Variants in CCSER1 observed in about 807,000 individuals in gnomAD.
CCSER1 encodes the protein coiled-coil serine rich protein 1, also known as serine-rich coiled-coil domain-containing protein 1.
Under a neutral mutation model 82.0 loss-of-function variants are expected in CCSER1, and 41 were observed. The ratio of observed to expected loss-of-function variants is 0.50; its 90% confidence interval spans 0.39 to 0.65. The LOEUF is 0.65. Among genes scored for constraint, CCSER1 ranks in the 30% least tolerant of loss-of-function variants. The pLI, the probability that CCSER1 is intolerant of heterozygous loss-of-function variation, is 0.00. For missense variants in CCSER1, 1,119 were observed against 1,064.2 expected (o/e 1.05, Z -0.72); for synonymous variants, 414 against 383.9 (o/e 1.08, Z -0.92).
chr4:90,408,476 A>G (rs1351968729), intron 4 of CCSER1, among the ~76,000 whole-genome samples: 2 of 152,186 alleles, frequency 1.3e-5, no homozygotes, highest in African/African-American at 4.8e-5. Flanking sequence ...GCGGTTCACC[A>G]ATATCCACTG....
chr4:91,170,892 A>G (rs967679423), intron 10 of CCSER1, among the ~76,000 whole-genome samples: 2 of 152,186 alleles, frequency 1.3e-5, no homozygotes, highest in Admixed American at 1.3e-4. Flanking sequence ...GTAAAGTTAT[A>G]TGATCTTTAT....
chr4:91,323,052 G>A (rs1377246552), intron 10 of CCSER1, among the ~76,000 whole-genome samples: 1 of 152,132 alleles, frequency 6.6e-6, no homozygotes, highest in South Asian at 2.1e-4. Flanking sequence ...GTGGGATTAA[G>A]TATGAATAAT....
intron 9 of CCSER1, among the ~76,000 whole-genome samples, chr4:91,036,916 A>G (rs1456764049): frequency 1.3e-5 from 2 of 152,038 alleles, no homozygotes; most frequent in South Asian, 4.2e-4. Context: ...CGTGTCTACT[A>G]AAAATACAAA....
intron 5 of CCSER1, among the ~76,000 whole-genome samples, chr4:90,476,020 T>TTG (rs1765030967): frequency 8.2e-6 from 1 of 122,656 alleles, no homozygotes; most frequent in African/African-American, 2.6e-5. Flanking sequence ...CCTTCTTTTC[T>TTG]CGTGTGTGTG....
At chr4:91,111,935 A>C (rs537684854) in intron 10 of CCSER1, among the ~76,000 whole-genome samples, 2 of 152,076 alleles carry the variant, frequency 1.3e-5, no homozygotes, top group African/African-American at 4.8e-5. Flanking sequence ...GCAGTCAAAT[A>C]AAATTTTCTT....
chr4:91,038,889 C>G (rs989893061), intron 9 of CCSER1, among the ~76,000 whole-genome samples: 6 of 152,130 alleles, frequency 3.9e-5, no homozygotes, highest in Admixed American at 3.9e-4. Flanking sequence ...AGTAAAACTA[C>G]AAGTAGAACT....
In CCSER1 at chr4:90,271,856, ATATATATTTTTTTTT is replaced by A. The variant is rs1166541595; in HGVS notation, c.-41-36386_-41-36372del. ...TATATATATATATATATATATATAT[ATATATATTTTTTTTT>A]TTTTTTTTTTTTTTTTTTTAAAAGG... On this transcript the variant is annotated intron_variant, in intron 1 of 10. Transcript: ENST00000509176. Among the ~76,000 whole-genome samples, 44 of 26,072 alleles carry A rather than the reference ATATATATTTTTTTTT, an allele frequency of 1.7e-3. No homozygotes were observed. In the East Asian group the frequency reaches 0.017, roughly 10 times the overall value. 17.1% of individuals were successfully genotyped at this position (26,072 alleles called of 152,430 possible).
In CCSER1 at chr4:90,309,448, A is replaced by C. The variant is rs1217902152; in HGVS notation, c.1164A>C (p.Thr388=). ...GLQNGETMLG[T]NSPRKLGFYE... is the part of the protein sequence containing the mutation. ...AAAATGGTGAAACAATGCTGGGGAC[A>C]AACTCCCCAAGGAAACTTGGATTTT... Residue 388 remains threonine, a synonymous_variant, in exon 2 of 11, where the codon ACA becomes ACC. Coordinates refer to ENST00000509176, the MANE Select transcript of CCSER1 (RefSeq NM_001145065.2). 1 of 1,613,848 alleles carries C rather than the reference A, an allele frequency of 6.2e-7. No individual in the cohort carries two copies. The highest frequency in any genetic ancestry group is 1.7e-5 in the Admixed American group (1 of 60,010).
intron 9 of CCSER1, among the ~76,000 whole-genome samples, chr4:91,075,344 C>T (rs1308379743): frequency 6.6e-6 from 1 of 152,042 alleles, no homozygotes; most frequent in African/African-American, 2.4e-5. Flanking sequence ...GCAGAGATTT[C>T]ATATTCTATA....
intron 4 of CCSER1, among the ~76,000 whole-genome samples, chr4:90,442,872 G>C (rs1203479863): frequency 6.6e-6 from 1 of 152,096 alleles, no homozygotes. Flanking sequence ...CCGGTCCTTG[G>C]TCTAGTTAAG....
intron 2 of CCSER1, among the ~76,000 whole-genome samples, chr4:90,310,647 A>C (rs1287255655): frequency 6.6e-6 from 1 of 152,138 alleles, no homozygotes; most frequent in Non-Finnish European, 1.5e-5. Context: ...CCCATTTTAC[A>C]AATGTGAAAA....
In CCSER1 at chr4:90,283,049, A is replaced by C. The variant is rs575076273; in HGVS notation, c.-41-25195A>C. ...AAAATAAACGGCTTTGCTTTACCTGAATATTTATTTCCAGTATATTTCTTC... is the reference window on the plus strand; with the variant it reads ...AAAATAAACGGCTTTGCTTTACCTGCATATTTATTTCCAGTATATTTCTTC... On this transcript the variant is annotated intron_variant, in intron 1 of 10. Transcript: ENST00000509176. Among the ~76,000 whole-genome samples the C allele has an allele frequency of 2.1e-3, 326 of 152,096 alleles. 2 individuals are homozygous for C. The highest frequency in any genetic ancestry group is 7.2e-3 in the African/African-American group (300 of 41,548).
At chr4:90,200,490 C>CA (rs199985382) in intron 1 of CCSER1, among the ~76,000 whole-genome samples, 1,765 of 151,820 alleles carry the variant, frequency 0.012, 22 homozygotes, top group African/African-American at 0.033. Context: ...GAAAATCATA[C>CA]AAAAAAACCC....
chr4:91,248,444 T>C (rs1379975200), intron 10 of CCSER1, among the ~76,000 whole-genome samples: 1 of 152,222 alleles, frequency 6.6e-6, no homozygotes, highest in African/African-American at 2.4e-5. Context: ...CGTTGAGTCA[T>C]GTTGATAGTG....
chr4:91,327,054 C>T (rs577705071), intron 10 of CCSER1, among the ~76,000 whole-genome samples: 1 of 152,176 alleles, frequency 6.6e-6, no homozygotes, highest in Non-Finnish European at 1.5e-5. Context: ...GCACATGGTA[C>T]AAGCTGTTGG....
chr4:90,597,921 T>C (rs552880480), intron 5 of CCSER1, among the ~76,000 whole-genome samples: 1 of 152,324 alleles, frequency 6.6e-6, no homozygotes, highest in South Asian at 2.1e-4. Context: ...TTTATTTCAC[T>C]TAACGTAATG....
intron 10 of CCSER1, among the ~76,000 whole-genome samples, chr4:91,415,264 C>T (rs953394514): frequency 2.6e-5 from 4 of 152,062 alleles, no homozygotes; most frequent in Non-Finnish European, 4.4e-5. Flanking sequence ...TATTTTGTAT[C>T]TGAGGCTTTG....
intron 10 of CCSER1, among the ~76,000 whole-genome samples, chr4:91,438,572 G>A (rs1281274244): frequency 1.3e-5 from 2 of 152,204 alleles, no homozygotes; most frequent in East Asian, 3.9e-4. Context: ...AAAAAGCAGA[G>A]CGCCTCTCCT....
intron 10 of CCSER1, among the ~76,000 whole-genome samples, chr4:91,583,400 C>A (rs1238555585): frequency 6.6e-6 from 1 of 151,296 alleles, no homozygotes; most frequent in Non-Finnish European, 1.5e-5. Context: ...TAAATTGCAT[C>A]TATCTCCTTA....
Sources: allele counts gnomAD v4.1 joint callset (sites outside exome capture counted in the v4.1 genomes callset), GRCh38; gene constraint gnomAD v4.1.1; transcripts MANE v1.5; gene names NCBI Gene and HGNC (gene_info 2026-07-23, HGNC 2026-07-21).